The following AGPAT5 variants were observed in gnomAD, a reference collection of about 807,000 sequenced individuals.
AGPAT5 encodes 1-acyl-sn-glycerol-3-phosphate acyltransferase epsilon.
Under a neutral mutation model 45.6 loss-of-function variants are expected in AGPAT5, and 46 were observed. The ratio of observed to expected loss-of-function variants is 1.01; its 90% CI spans 0.80 to 1.29. AGPAT5 has a LOEUF of 1.29. Among genes scored for constraint, AGPAT5 ranks in the 50% most tolerant of loss-of-function variants. The pLI is 0.00. For missense variants in AGPAT5, 673 were observed against 450.7 expected, an observed-to-expected ratio of 1.49 and a Z score of -4.47; for synonymous variants, 272 against 167.0, an observed-to-expected ratio of 1.63 and a Z score of -4.85.
chr8:6,745,222 G>C (rs553053142), intron 5 of AGPAT5: 1 of 154,486 alleles, frequency 6.5e-6, no homozygotes, highest in South Asian at 2.0e-4. Flanking sequence ...TTTCTTCTTA[G>C]ACATGGCAAC....
In AGPAT5 at chr8:6,729,173, T is replaced by G. The variant is rs538620868; in HGVS notation, c.290-1538T>G. 3.1e-3 allele frequency among the ~76,000 whole-genome samples: 475 copies of G among 152,310 alleles called. 2 individuals carry two copies. The highest frequency in any genetic ancestry group is 0.011 in the African/African-American group (455 of 41,570). On this transcript the variant is annotated intron_variant, in intron 2 of 7. Transcript: ENST00000285518. ...ATAAGAGATTTTTCTTGGTTAATTT[T>G]TAGTATTAAAATGGCTAAATCTTTT...
chr8:6,722,415 A>G (rs961180644), intron 1 of AGPAT5, among the ~76,000 whole-genome samples: 1 of 152,232 alleles, frequency 6.6e-6, no homozygotes, highest in Non-Finnish European at 1.5e-5. Context: ...TTAAAAAATC[A>G]TGTTTCAAGA....
chr8:6,733,259 C>G (rs1190512252), intron 4 of AGPAT5, among the ~76,000 whole-genome samples: 1 of 152,220 alleles, frequency 6.6e-6, no homozygotes, highest in East Asian at 1.9e-4. Context: ...CTTTCTCTTT[C>G]AGTACATGAC....
At position 6,708,855 on chromosome 8, in the gene AGPAT5, CTCT is replaced by C. The variant is rs754210181; in HGVS notation, c.196_198del (p.Phe66del). ...CTACTGCGTCTACCAGAGCATGGTG[CTCT>C]TCTTCTTCGAGAATTACACCGGGGT... On this transcript the variant is annotated inframe_deletion, in exon 1 of 8. Transcript: ENST00000285518. 51 of 1,609,792 alleles carry C rather than the reference CTCT, an allele frequency of 3.2e-5. No individual in the cohort carries two copies. Among genetic ancestry groups the C allele is most frequent in the Middle Eastern group, 1.6e-4 (1 of 6,072 alleles).
chr8:6,732,662 C>CTTA lies in AGPAT5; in HGVS notation c.495+12_495+13insTTA, dbSNP rs752926708. The CTTA allele has an allele frequency of 1.3e-6, 2 of 1,576,638 alleles. No homozygotes were observed. Among genetic ancestry groups the CTTA allele is most frequent in the South Asian group, 2.4e-5 (2 of 84,414 alleles). ...ACGCAGGAACTCCAGTAAGAGCCTACCCGTTTTTATTTTTCTTACCAGCTC... is the reference window on the plus strand; with the variant it reads ...ACGCAGGAACTCCAGTAAGAGCCTACTTACCGTTTTTATTTTTCTTACCAGCTC... On this transcript the variant is annotated intron_variant, in intron 4 of 7. Coordinates refer to ENST00000285518, the MANE Select transcript of AGPAT5 (RefSeq NM_018361.5).
chr8:6,708,976 A>G, intron 1 of AGPAT5, 89 bp downstream of exon 1: 2 of 1,322,428 alleles, frequency 1.5e-6, no homozygotes, highest in Non-Finnish European at 2.1e-6. Context: ...GGCGAGGGTC[A>G]CCCGGCCGGC....
At chr8:6,713,741 A>C (rs942747014) in intron 1 of AGPAT5, among the ~76,000 whole-genome samples, 1 of 151,146 alleles carries the variant, frequency 6.6e-6, no homozygotes, top group Non-Finnish European at 1.5e-5. Flanking sequence ...GGTATTTTTT[A>C]GTGGGGGTAG....
intron 6 of AGPAT5, among the ~76,000 whole-genome samples, chr8:6,753,218 A>C (rs1801715528): frequency 6.6e-6 from 1 of 152,228 alleles, no homozygotes; most frequent in African/African-American, 2.4e-5. Context: ...ACGTCTTAGT[A>C]GAGGCCCTGC....
intron 5 of AGPAT5, among the ~76,000 whole-genome samples, chr8:6,742,279 C>G (rs961668761): frequency 1.3e-5 from 2 of 152,186 alleles, no homozygotes; most frequent in Non-Finnish European, 2.9e-5. Context: ...AGAAGTTACA[C>G]AAAGTTGGTC....
intron 3 of AGPAT5, among the ~76,000 whole-genome samples, chr8:6,731,897 G>GT (rs36029151): frequency 1.3e-5 from 2 of 152,188 alleles, no homozygotes; most frequent in Non-Finnish European, 2.9e-5. Flanking sequence ...TCCTCAGGTG[G>GT]TTTTTTTCCC....
intron 3 of AGPAT5, among the ~76,000 whole-genome samples, chr8:6,732,129 A>G (rs909372404): frequency 4.6e-5 from 7 of 152,060 alleles, no homozygotes; most frequent in African/African-American, 1.7e-4. Context: ...ACAGTGCCAC[A>G]TAAATATCTT....
intron 1 of AGPAT5, among the ~76,000 whole-genome samples, chr8:6,720,974 T>G (rs1272919931): frequency 6.6e-6 from 1 of 152,150 alleles, no homozygotes; most frequent in Non-Finnish European, 1.5e-5. Context: ...GCGTGTGAAG[T>G]ACTATTTTGA....
chr8:6,738,313 T>C (rs1395340025), intron 4 of AGPAT5: 2 of 152,118 alleles, frequency 1.3e-5, no homozygotes, highest in African/African-American at 4.8e-5. Context: ...TTGTTGTGTC[T>C]CAGGGAATAG....
At chr8:6,715,842 G>C (rs961985430) in intron 1 of AGPAT5, among the ~76,000 whole-genome samples, 2 of 152,122 alleles carry the variant, frequency 1.3e-5, no homozygotes, top group African/African-American at 4.8e-5. Flanking sequence ...AAAATTACTT[G>C]GAGTTTTTAC....
At chr8:6,729,407 C>T (rs1587021841) in intron 2 of AGPAT5, among the ~76,000 whole-genome samples, 1 of 149,372 alleles carries the variant, frequency 6.7e-6, no homozygotes, top group Non-Finnish European at 1.5e-5. Flanking sequence ...TTTTCATGGC[C>T]TGAGAACATG....
At chr8:6,733,444 G>C (rs566675487) in intron 4 of AGPAT5, among the ~76,000 whole-genome samples, 6 of 152,314 alleles carry the variant, frequency 3.9e-5, no homozygotes, top group African/African-American at 1.4e-4. Context: ...CCTGGTGTGA[G>C]CATTGTTTAT....
chr8:6,717,763 A>G (rs1800378770), intron 1 of AGPAT5, among the ~76,000 whole-genome samples: 1 of 152,202 alleles, frequency 6.6e-6, no homozygotes, highest in Non-Finnish European at 1.5e-5. Flanking sequence ...TTGTGTTCAT[A>G]TAGGAATAAA....
rs538514550 is a variant in AGPAT5 at position 6,720,842 on chromosome 8, A to T, written c.220-4028A>T. ...AGAACCAGCGTTCTTAATACTATGG[A>T]AACAGCCATGTGTCTCATTGATCTC... is the stretch of plus-strand genomic sequence containing the variant. On this transcript the variant is annotated intron_variant, in intron 1 of 7. Transcript: ENST00000285518. Among the ~76,000 whole-genome samples, 3 of 152,280 alleles carry T rather than the reference A, an allele frequency of 2.0e-5. No individual in the cohort carries two copies. The South Asian group carries it at 6.2e-4, about 32-fold the overall frequency.
chr8:6,759,750 A>G lies in AGPAT5; in HGVS notation c.*2362A>G, dbSNP rs886367993. 2.6e-5 allele frequency: 4 copies of G among 152,330 alleles called. No homozygotes were observed. The highest frequency in any genetic ancestry group is 2.6e-4 in the Admixed American group (4 of 15,294). 9.4% of individuals were successfully genotyped at this position (152,330 alleles called of 1,614,324 possible). Reference sequence around the variant, plus strand: ...AAATAGGCTTAATGACTGGCCCTGCATTCTTCACAATATTTTTCCCTAAGC... The same window carrying G: ...AAATAGGCTTAATGACTGGCCCTGCGTTCTTCACAATATTTTTCCCTAAGC... On this transcript the variant is annotated 3_prime_UTR_variant, in exon 8 of 8. Coordinates refer to ENST00000285518, the MANE Select transcript of AGPAT5 (RefSeq NM_018361.5).
Sources: gnomAD v4.1 joint callset for allele counts (sites outside exome capture counted in the v4.1 genomes callset) on GRCh38, gnomAD v4.1.1 for gene constraint, MANE v1.5 for transcripts, NCBI Gene and HGNC (gene_info 2026-07-23, HGNC 2026-07-21) for gene names.